Variants in SCN8A observed in about 807,000 individuals in gnomAD.
The protein encoded by SCN8A is sodium channel protein type 8 subunit alpha.
In SCN8A, 30 loss-of-function variants were observed where a neutral mutation model predicts 184.1. The observed-to-expected ratio is 0.16, with a 90% CI of 0.12 to 0.22. SCN8A has a LOEUF of 0.22. SCN8A is among the 10% of genes least tolerant of loss of function. The pLI is 1.00. For synonymous variants in SCN8A, 852 were observed against 907.0 expected, an observed-to-expected ratio of 0.94 and a Z score of 1.09; for missense variants, 1,057 against 2,498.9, an observed-to-expected ratio of 0.42 and a Z score of 12.30.
intron 1 of SCN8A, among the ~76,000 whole-genome samples, chr12:51,605,248 C>T (rs1310804213): frequency 6.6e-6 from 1 of 152,120 alleles, no homozygotes; most frequent in Non-Finnish European, 1.5e-5. Context: ...TATTTGTAGT[C>T]TTTTATCCCC....
At chr12:51,643,955 G>T (rs1442170930) in intron 1 of SCN8A, among the ~76,000 whole-genome samples, 1 of 152,214 alleles carries the variant, frequency 6.6e-6, no homozygotes, top group Non-Finnish European at 1.5e-5. Context: ...CTTGGTCATT[G>T]TTGTGTTAAG....
chr12:51,786,352 C>G (rs569732543), intron 21 of SCN8A, among the ~76,000 whole-genome samples, 190 bp from the exon 22 acceptor site: 1 of 152,194 alleles, frequency 6.6e-6, no homozygotes, highest in African/African-American at 2.4e-5. Flanking sequence ...TTTTAAAATT[C>G]CTTCAATATA....
chr12:51,732,159 G>C (rs1377268993), intron 12 of SCN8A, among the ~76,000 whole-genome samples: 1 of 152,136 alleles, frequency 6.6e-6, no homozygotes, highest in Non-Finnish European at 1.5e-5. Flanking sequence ...CAGTGTCCTG[G>C]AGAGTTTCCT....
intron 25 of SCN8A, among the ~76,000 whole-genome samples, chr12:51,791,827 A>T (rs1260627517): frequency 6.6e-6 from 1 of 152,208 alleles, no homozygotes; most frequent in Non-Finnish European, 1.5e-5. Context: ...GCAGTGAGCC[A>T]TGACCGTGCC....
intron 19 of SCN8A, among the ~76,000 whole-genome samples, chr12:51,772,751 C>T (rs929983555): frequency 1.1e-4 from 16 of 149,164 alleles, no homozygotes; most frequent in Non-Finnish European, 1.8e-4. Flanking sequence ...GAGGCTGAGG[C>T]GGGCGAATCA....
At chr12:51,766,199 A>G (rs1314585032) in intron 16 of SCN8A, 172 bp downstream of exon 16, 18 of 646,512 alleles carry the variant, frequency 2.8e-5, no homozygotes, top group Non-Finnish European at 4.9e-5. Flanking sequence ...GGAGAGAGAT[A>G]CTTACAGAGT....
intron 1 of SCN8A, among the ~76,000 whole-genome samples, chr12:51,604,865 T>C (rs1165277990): frequency 6.6e-6 from 1 of 151,840 alleles, no homozygotes; most frequent in Non-Finnish European, 1.5e-5. Context: ...TTATTTTAGG[T>C]TTGGGGGTAC....
chr12:51,745,678 T>C (rs1942498301), intron 12 of SCN8A, among the ~76,000 whole-genome samples: 1 of 152,148 alleles, frequency 6.6e-6, no homozygotes, highest in Non-Finnish European at 1.5e-5. Flanking sequence ...CTTGGGGTCA[T>C]TGTAGATTCA....
intron 11 of SCN8A, among the ~76,000 whole-genome samples, chr12:51,716,862 A>G (rs1941973493): frequency 6.6e-6 from 1 of 152,196 alleles, no homozygotes; most frequent in South Asian, 2.1e-4. Flanking sequence ...TCCAAAGCCC[A>G]CATTCCCAAC....
chr12:51,676,180 T>G (rs766703943), intron 2 of SCN8A, among the ~76,000 whole-genome samples: 4 of 152,152 alleles, frequency 2.6e-5, no homozygotes, highest in Non-Finnish European at 5.9e-5. Flanking sequence ...TGGTTTAGTA[T>G]TTCTAAGGGG....
At position 51,769,932 on chromosome 12, in the gene SCN8A, T is replaced by C; in HGVS notation, c.3437T>C (p.Val1146Ala). The stretch of plus-strand genomic sequence containing the variant: ...GATATCAAACCAGAAGTAGAAGAGG[T>C]CCCTGTGGAACAGCCTGAGGAATAC... ...TIDIKPEVEE[V>A]PVEQPEEYLD... is the part of the protein sequence containing the mutation. The change falls in exon 18 of 27, where the codon GTC (valine) becomes GCC (alanine). Residue 1146 changes from valine to alanine, a missense_variant. Coordinates refer to ENST00000627620, the MANE Select transcript of SCN8A (RefSeq NM_001330260.2). 6.2e-7 allele frequency: 1 copy of C among 1,608,064 alleles called. No individual in the cohort carries two copies. Among genetic ancestry groups the C allele is most frequent in the Non-Finnish European group, 8.5e-7 (1 of 1,177,462 alleles).
chr12:51,767,199 G>A (rs774184144), intron 16 of SCN8A, among the ~76,000 whole-genome samples: 9 of 152,260 alleles, frequency 5.9e-5, no homozygotes, highest in Admixed American at 1.3e-4. Context: ...ATGGCTTCCC[G>A]GTATGTAGCA....
At chr12:51,646,744 GT>G (rs1307937375) in intron 1 of SCN8A, among the ~76,000 whole-genome samples, 2 of 152,220 alleles carry the variant, frequency 1.3e-5, no homozygotes, top group Non-Finnish European at 2.9e-5. Context: ...CTTGTGCCTT[GT>G]GGAAGAAATA....
At chr12:51,752,422 A>T (rs1012583470) in intron 14 of SCN8A, among the ~76,000 whole-genome samples, 19 of 151,676 alleles carry the variant, frequency 1.3e-4, no homozygotes, top group African/African-American at 4.4e-4. Flanking sequence ...CCTCTCTCAC[A>T]CACACACACA....
chr12:51,678,789 C>A (rs1274415146), intron 2 of SCN8A, among the ~76,000 whole-genome samples: 1 of 152,134 alleles, frequency 6.6e-6, no homozygotes, highest in Non-Finnish European at 1.5e-5. Flanking sequence ...AAAAGCTACT[C>A]AGCCTAGGCT....
intron 26 of SCN8A, among the ~76,000 whole-genome samples, chr12:51,800,677 G>A (rs1035616335): frequency 2.0e-5 from 3 of 152,144 alleles, no homozygotes; most frequent in African/African-American, 7.2e-5. Flanking sequence ...AGTCAGACCT[G>A]AGCTGAAACT....
chr12:51,731,861 A>G (rs1942248355), intron 12 of SCN8A, among the ~76,000 whole-genome samples: 2 of 152,112 alleles, frequency 1.3e-5, no homozygotes. Context: ...TGCCATTTAT[A>G]TGTCTTCTTT....
rs372687513 is a variant in SCN8A, at chr12:51,721,217, C to T, written c.1636-329C>T. The stretch of plus-strand genomic sequence containing the variant: ...AGTCTAACTGAAGTTAAAGACACCT[C>T]CTCTGAGCCCATGGTAAAAAGAAAT... On this transcript the variant is annotated intron_variant, in intron 11 of 26. Coordinates refer to ENST00000627620, the MANE Select transcript of SCN8A (RefSeq NM_001330260.2). Among the ~76,000 whole-genome samples the T allele has an allele frequency of 1.0e-4, 15 of 150,148 alleles. No homozygotes were observed. In the South Asian group the frequency reaches 1.7e-3, roughly 17 times the overall value.
Position 51,662,816 on chromosome 12 carries a change from A to C in SCN8A, c.-2A>C. ...CTAACGAAGCTGCTGCAGGATGAGA[A>C]GATGGCAGCGCGGCTGCTTGCACCA... On this transcript the variant is annotated 5_prime_UTR_variant, in exon 2 of 27. Transcript: ENST00000627620. The C allele has an allele frequency of 6.2e-7, 1 of 1,613,264 alleles. No homozygotes were observed. Among genetic ancestry groups the C allele is most frequent in the Non-Finnish European group, 8.5e-7 (1 of 1,179,456 alleles).
Sources: gnomAD v4.1 joint callset for allele counts (sites outside exome capture counted in the v4.1 genomes callset) on GRCh38, gnomAD v4.1.1 for gene constraint, MANE v1.5 for transcripts, NCBI Gene and HGNC (gene_info 2026-07-23, HGNC 2026-07-21) for gene names.